Variants in PPFIA1 observed in about 807,000 individuals in gnomAD.
PPFIA1 encodes PPFI scaffold protein A1.
Under a neutral mutation model 149.9 loss-of-function variants are expected in PPFIA1, and 25 were observed. The observed-to-expected ratio is 0.17, with a 90% CI of 0.12 to 0.23. The LOEUF (loss-of-function observed/expected upper bound fraction) is 0.23. Among genes scored for constraint, PPFIA1 ranks in the 10% least tolerant of loss-of-function variants. The pLI, the probability that PPFIA1 is intolerant of heterozygous loss-of-function variation, is 1.00. For missense variants in PPFIA1, 1,362 were observed against 1,506.5 expected, an observed-to-expected ratio of 0.90 and a Z score of 1.59; for synonymous variants, 549 against 552.8, an observed-to-expected ratio of 0.99 and a Z score of 0.10.
chr11:70,362,003 C>T (rs2056678814), intron 19 of PPFIA1, 92 bp from the exon 20 acceptor site: 1 of 1,188,196 alleles, frequency 8.4e-7, no homozygotes. Flanking sequence ...TCAAGTGGTC[C>T]TCCTGCCTTG....
At chr11:70,340,781 A>G (rs1262303830) in intron 14 of PPFIA1, among the ~76,000 whole-genome samples, 5 of 151,472 alleles carry the variant, frequency 3.3e-5, no homozygotes, top group Non-Finnish European at 7.4e-5. Flanking sequence ...AACAGTGAAC[A>G]TTTCGTAGTT....
chr11:70,337,393 CA>C lies in PPFIA1; in HGVS notation c.1463del (p.Lys488SerfsTer3). On this transcript the variant is annotated frameshift_variant, in exon 12 of 28. Coordinates refer to ENST00000253925, the MANE Select transcript of PPFIA1 (RefSeq NM_003626.5). LOFTEE classifies it high-confidence loss of function. ...TCTCTTTTAAGAGAAGTTGAAAGTGCAAAAAAGCAGTTAGAAGAAACACAAC... is the reference window on the plus strand; with the variant it reads ...TCTCTTTTAAGAGAAGTTGAAAGTGCAAAAAGCAGTTAGAAGAAACACAAC... The part of the protein sequence containing the change: ...KNSLLREVES[A>X]KKQLEETQHD... The C allele has an allele frequency of 6.3e-7, 1 of 1,595,352 alleles. No homozygotes were observed. The highest frequency in any genetic ancestry group is 8.5e-7 in the Non-Finnish European group (1 of 1,170,520).
intron 2 of PPFIA1, among the ~76,000 whole-genome samples, chr11:70,284,928 A>G (rs1168384067): frequency 6.6e-6 from 1 of 152,152 alleles, no homozygotes; most frequent in Non-Finnish European, 1.5e-5. Context: ...TTAGGGCTTC[A>G]GTACTTTGCG....
At position 70,270,704 on chromosome 11, in the gene PPFIA1, C is replaced by G. The variant is rs1327390401; in HGVS notation, c.-211C>G. The stretch of plus-strand genomic sequence containing the variant: ...GTCGGGCACGTAGACGCCGGCGCCG[C>G]GCAGCCGGGCCCGCTCCTCCTCCGC... On this transcript the variant is annotated 5_prime_UTR_variant, in exon 1 of 28. Coordinates refer to ENST00000253925, the MANE Select transcript of PPFIA1 (RefSeq NM_003626.5). 6.6e-6 allele frequency: 1 copy of G among 151,216 alleles called. No individual in the cohort carries two copies. Among genetic ancestry groups the G allele is most frequent in the Non-Finnish European group, 1.5e-5 (1 of 67,738 alleles). The allele number at this position is 151,216 out of a possible 1,614,324, so 9.4% of individuals were successfully genotyped here.
Position 70,330,337 on chromosome 11 carries a change from C to A in PPFIA1, c.1077+18C>A, listed in dbSNP as rs1181368618. 1 of 1,543,264 alleles carries A rather than the reference C, an allele frequency of 6.5e-7. No homozygotes were observed. ...ATCGACAGGTAATGGATTTTATCGA[C>A]CTTTGTCTGGCTTTAGTTAATTATT... On this transcript the variant is annotated intron_variant, in intron 8 of 27. Coordinates refer to ENST00000253925, the MANE Select transcript of PPFIA1 (RefSeq NM_003626.5).
intron 2 of PPFIA1, among the ~76,000 whole-genome samples, chr11:70,314,382 A>G (rs1262249878): frequency 6.6e-6 from 1 of 152,158 alleles, no homozygotes; most frequent in African/African-American, 2.4e-5. Context: ...GTTTCTGAAC[A>G]AGTTACGTGT....
At chr11:70,357,621 C>T (rs936711058) in intron 19 of PPFIA1, among the ~76,000 whole-genome samples, 7 of 147,800 alleles carry the variant, frequency 4.7e-5, no homozygotes, top group Non-Finnish European at 1.5e-5. Context: ...GAGTCTCGCT[C>T]TGTCACCCAC....
chr11:70,298,786 T>C (rs1349545511), intron 2 of PPFIA1, among the ~76,000 whole-genome samples: 1 of 152,234 alleles, frequency 6.6e-6, no homozygotes, highest in African/African-American at 2.4e-5. Context: ...TCTTTACGAT[T>C]CTCTTAGAAG....
intron 21 of PPFIA1, chr11:70,366,098 T>A: frequency 2.7e-6 from 1 of 366,298 alleles, no homozygotes; most frequent in Middle Eastern, 4.2e-4. Flanking sequence ...ACAGGATTGT[T>A]AATGATTTGA....
chr11:70,276,803 T>G (rs987422127), intron 2 of PPFIA1, among the ~76,000 whole-genome samples: 2 of 152,048 alleles, frequency 1.3e-5, no homozygotes, highest in Non-Finnish European at 2.9e-5. Context: ...TTTGTAAGTT[T>G]AAAGTGGTTT....
intron 2 of PPFIA1, among the ~76,000 whole-genome samples, chr11:70,316,126 C>T (rs1343355894): frequency 6.6e-6 from 1 of 151,956 alleles, no homozygotes; most frequent in Non-Finnish European, 1.5e-5. Context: ...GGCTGGAGTG[C>T]AGTGGCGCAG....
At chr11:70,342,897 T>C (rs2055421194) in intron 14 of PPFIA1, among the ~76,000 whole-genome samples, 1 of 150,642 alleles carries the variant, frequency 6.6e-6, no homozygotes, top group Non-Finnish European at 1.5e-5. Flanking sequence ...ACTAGGAACA[T>C]TCAAGTTATT....
chr11:70,340,770 A>G (rs2055281237), intron 14 of PPFIA1, among the ~76,000 whole-genome samples: 1 of 151,694 alleles, frequency 6.6e-6, no homozygotes, highest in East Asian at 1.9e-4. Context: ...CAGTGGCTTA[A>G]AACAGTGAAC....
chr11:70,381,743 T>C (rs1431719296), intron 26 of PPFIA1, among the ~76,000 whole-genome samples: 3 of 152,184 alleles, frequency 2.0e-5, no homozygotes, highest in Non-Finnish European at 2.9e-5. Context: ...GAAAGCCCCA[T>C]TGGTCTATGA....
chr11:70,311,678 T>G (rs1253925600), intron 2 of PPFIA1, among the ~76,000 whole-genome samples: 2 of 152,058 alleles, frequency 1.3e-5, no homozygotes, highest in Non-Finnish European at 2.9e-5. Context: ...TTTTGATGGT[T>G]TTCCCATTTG....
At chr11:70,281,453 G>T (rs914497050) in intron 2 of PPFIA1, among the ~76,000 whole-genome samples, 1 of 152,150 alleles carries the variant, frequency 6.6e-6, no homozygotes, top group Non-Finnish European at 1.5e-5. Flanking sequence ...GTGTCCTGGA[G>T]CCCAAGTTTT....
At chr11:70,340,549 C>G (rs1184805828) in intron 14 of PPFIA1, among the ~76,000 whole-genome samples, 2 of 152,186 alleles carry the variant, frequency 1.3e-5, no homozygotes, top group Non-Finnish European at 2.9e-5. Flanking sequence ...GCATTTGTTT[C>G]AATACACGCA....
intron 21 of PPFIA1, chr11:70,363,250 C>T (rs189952395): frequency 6.6e-6 from 1 of 152,392 alleles, no homozygotes; most frequent in African/African-American, 2.4e-5. Flanking sequence ...GCCTCCTGCT[C>T]CTTCTGAGGC....
At chr11:70,277,003 CTT>C (rs571511222) in intron 2 of PPFIA1, among the ~76,000 whole-genome samples, 4 of 87,396 alleles carry the variant, frequency 4.6e-5, no homozygotes, top group Admixed American at 1.1e-4. Flanking sequence ...TTAATTTCTA[CTT>C]TTTTTTTTTT....
Sources: allele counts gnomAD v4.1 joint callset (sites outside exome capture counted in the v4.1 genomes callset), GRCh38; gene constraint gnomAD v4.1.1; transcripts MANE v1.5; gene names NCBI Gene and HGNC (gene_info 2026-07-23, HGNC 2026-07-21).